The following COPS7B variants were observed in gnomAD, a reference collection of about 807,000 sequenced individuals.
COPS7B encodes COP9 signalosome complex subunit 7b.
Under a neutral mutation model 33.4 loss-of-function variants are expected in COPS7B, and 9 were observed. The observed-to-expected ratio is 0.27, with a 90% CI of 0.16 to 0.47. The LOEUF (loss-of-function observed/expected upper bound fraction) is 0.47, where lower values mean the gene tolerates loss of function less well. Ranked by LOEUF, COPS7B falls within the 20% of genes least tolerant of loss-of-function variation. COPS7B has a pLI of 0.99. For synonymous variants in COPS7B, 119 were observed against 126.3 expected, an observed-to-expected ratio of 0.94 and a Z score of 0.39; for missense variants, 242 against 318.2, an observed-to-expected ratio of 0.76 and a Z score of 1.82.
At chr2:231,799,881 C>T (rs2049692934) in intron 6 of COPS7B, among the ~76,000 whole-genome samples, 1 of 152,156 alleles carries the variant, frequency 6.6e-6, no homozygotes, top group East Asian at 1.9e-4. Flanking sequence ...ATTCTCTATA[C>T]TGTTATATGC....
chr2:231,796,312 A>T lies in COPS7B; in HGVS notation c.530+4A>T. The T allele has an allele frequency of 6.2e-7, 1 of 1,613,014 alleles. No individual in the cohort carries two copies. The highest frequency in any genetic ancestry group is 8.5e-7 in the Non-Finnish European group (1 of 1,179,300). On this transcript the variant is annotated splice_donor_region_variant and intron_variant, in intron 5 of 6. Coordinates refer to ENST00000350033, the MANE Select transcript of COPS7B (RefSeq NM_022730.4). ...TTGTCAAGACCCTGCATGAATGGTG[A>T]GGCTAAAAGGAGGAGGGGGATATCT...
chr2:231,799,520 G>A (rs1194865850), intron 6 of COPS7B, among the ~76,000 whole-genome samples: 1 of 152,230 alleles, frequency 6.6e-6, no homozygotes, highest in Non-Finnish European at 1.5e-5. Flanking sequence ...TGAGCTGCAA[G>A]TGAAGTAAAG....
chr2:231,791,704 C>T, intron 2 of COPS7B, 29 bp from the exon 3 acceptor site: 2 of 1,603,554 alleles, frequency 1.2e-6, no homozygotes, highest in East Asian at 2.2e-5. Flanking sequence ...ACAGTTTGGT[C>T]TGTGGTGAAC....
chr2:231,791,695 C>T lies in COPS7B; in HGVS notation c.163-38C>T, dbSNP rs775121557. On this transcript the variant is annotated intron_variant, in intron 2 of 6. Transcript: ENST00000350033. Reference sequence around the variant, plus strand: ...TTTGAACACTACAGTGATTGGTAGACAGTTTGGTCTGTGGTGAACTTTTTT... The same window carrying T: ...TTTGAACACTACAGTGATTGGTAGATAGTTTGGTCTGTGGTGAACTTTTTT... 3.2e-6 allele frequency: 5 copies of T among 1,558,814 alleles called. No homozygotes were observed. In the Admixed American group the frequency reaches 6.7e-5, roughly 21 times the overall value.
At chr2:231,791,470 G>A (rs2049413913) in intron 2 of COPS7B, 1 of 468,024 alleles carries the variant, frequency 2.1e-6, no homozygotes. Context: ...GTATGTGTGT[G>A]TGAGAGAAAA....
chr2:231,798,209 G>A (rs2049631354), intron 5 of COPS7B, among the ~76,000 whole-genome samples: 1 of 148,360 alleles, frequency 6.7e-6, no homozygotes, highest in Non-Finnish European at 1.5e-5. Context: ...TTTTTCTGTT[G>A]AGAAAAGGAT....
chr2:231,802,083 C>G (rs1417726390), intron 6 of COPS7B, among the ~76,000 whole-genome samples: 1 of 152,092 alleles, frequency 6.6e-6, no homozygotes, highest in Non-Finnish European at 1.5e-5. Context: ...CCTCATTTTT[C>G]TTTATATTTG....
chr2:231,791,504 A>G (rs1370402269), intron 2 of COPS7B: 1 of 548,344 alleles, frequency 1.8e-6, no homozygotes, highest in Non-Finnish European at 3.3e-6. Context: ...CATGCTGTAT[A>G]GAAAGTAAAA....
rs2049318718 is a variant in COPS7B, at chr2:231,788,562, G to A, written c.-9G>A. The stretch of plus-strand genomic sequence containing the variant: ...CAATTTTCTTTTGGACAGATTTCAA[G>A]GCCAGAGAATGGCAGGGGAACAGAA... On this transcript the variant is annotated 5_prime_UTR_variant, in exon 2 of 7. Transcript: ENST00000350033. The A allele has an allele frequency of 5.6e-6, 9 of 1,612,712 alleles. No homozygotes were observed. Among genetic ancestry groups the A allele is most frequent in the Non-Finnish European group, 7.6e-6 (9 of 1,179,860 alleles).
upstream of COPS7B, among the ~76,000 whole-genome samples, chr2:231,784,999 C>T (rs1243828789): frequency 6.6e-6 from 1 of 152,190 alleles, no homozygotes; most frequent in African/African-American, 2.4e-5. Flanking sequence ...TTAGTAGAGA[C>T]AGAGTTTTGC....
At chr2:231,791,924 G>A in intron 3 of COPS7B, 116 bp downstream of exon 3, 1 of 915,732 alleles carries the variant, frequency 1.1e-6, no homozygotes, top group South Asian at 1.4e-5. Context: ...TGACCTGGCT[G>A]CCTCCCATTT....
At chr2:231,798,597 C>T (rs1365196651) in intron 5 of COPS7B, among the ~76,000 whole-genome samples, 1 of 152,168 alleles carries the variant, frequency 6.6e-6, no homozygotes, top group Non-Finnish European at 1.5e-5. Context: ...AACCATCTTC[C>T]ATGAGATACA....
intron 4 of COPS7B, 101 bp downstream of exon 4, chr2:231,794,452 C>A (rs751441336): frequency 1.2e-6 from 1 of 857,882 alleles, no homozygotes; most frequent in Non-Finnish European, 1.8e-6. Flanking sequence ...AGAGTCACAT[C>A]ATAAATGCAT....
At chr2:231,798,226 G>A (rs550392183) in intron 5 of COPS7B, among the ~76,000 whole-genome samples, 25 of 146,846 alleles carry the variant, frequency 1.7e-4, no homozygotes, top group African/African-American at 6.1e-4. Flanking sequence ...GGATTACTCA[G>A]TGCCATCTAT....
intron 3 of COPS7B, chr2:231,794,055 ACT>A (rs2049495243): frequency 3.7e-6 from 2 of 542,018 alleles, no homozygotes; most frequent in East Asian, 3.0e-5. Flanking sequence ...AGGAGACTAA[ACT>A]CTGTGTTTGT....
At chr2:231,787,797 G>C (rs2049294838) in intron 1 of COPS7B, among the ~76,000 whole-genome samples, 2 of 152,126 alleles carry the variant, frequency 1.3e-5, no homozygotes, top group East Asian at 3.8e-4. Context: ...TTATCTGTCT[G>C]GCTGTAGATT....
intron 3 of COPS7B, among the ~76,000 whole-genome samples, chr2:231,792,501 T>C (rs1439048157): frequency 2.0e-5 from 3 of 152,088 alleles, no homozygotes; most frequent in Admixed American, 6.5e-5. Context: ...AACAAACAAA[T>C]AAATAAATAA....
intron 6 of COPS7B, among the ~76,000 whole-genome samples, chr2:231,800,124 A>T (rs2049701062): frequency 6.6e-6 from 1 of 152,200 alleles, no homozygotes; most frequent in Non-Finnish European, 1.5e-5. Context: ...ACCATGTTTA[A>T]TCCGACTAGC....
At chr2:231,782,982 A>T (rs929941180), upstream of COPS7B, among the ~76,000 whole-genome samples, 1 of 152,226 alleles carries the variant, frequency 6.6e-6, no homozygotes, top group Admixed American at 6.5e-5. Context: ...ATATTGAGAT[A>T]ATCACTCTTC....
Sources: allele counts gnomAD v4.1 joint callset (sites outside exome capture counted in the v4.1 genomes callset), GRCh38; gene constraint gnomAD v4.1.1; transcripts MANE v1.5; gene names NCBI Gene and HGNC (gene_info 2026-07-23, HGNC 2026-07-21).